ABCA10: variants seen among roughly 807,000 people sequenced by gnomAD.
ABCA10 encodes ATP binding cassette subfamily A member 10, also known as ATP-binding cassette sub-family A member 10.
Under a neutral mutation model 187.5 loss-of-function variants are expected in ABCA10, and 169 were observed. That is an observed-to-expected ratio of 0.90 (90% CI 0.80 to 1.02). The LOEUF is 1.02. Among genes scored for constraint, ABCA10 ranks in the 50% least tolerant of loss-of-function variants. The probability of loss-of-function intolerance (pLI) is 0.00; values close to 1 mark genes in which losing one functional copy is unlikely to be tolerated. For synonymous variants in ABCA10, 574 were observed against 601.8 expected (o/e 0.95, Z 0.68); for missense variants, 1,727 against 1,812.4 (o/e 0.95, Z 0.86).
intron 5 of ABCA10, 80 bp downstream of exon 5, chr17:69,221,712 G>A: frequency 7.9e-7 from 1 of 1,265,346 alleles, no homozygotes; most frequent in Non-Finnish European, 1.1e-6. Flanking sequence ...GAGTGTAAGA[G>A]TAAGGTAGGG....
intron 35 of ABCA10, 74 bp downstream of exon 35, chr17:69,152,288 C>G: frequency 1.3e-6 from 2 of 1,578,988 alleles, no homozygotes; most frequent in Non-Finnish European, 1.7e-6. Context: ...TGTAGAGCAT[C>G]AGCTGTTCAT....
In ABCA10 at chr17:69,201,525, C is replaced by T. The variant is rs756825645; in HGVS notation, c.1150G>A (p.Glu384Lys). 3.1e-6 allele frequency: 5 copies of T among 1,600,420 alleles called. No individual in the cohort carries two copies. The African/African-American group carries it at 6.7e-5, about 22-fold the overall frequency. Residue 384 changes from glutamate to lysine, a missense_variant, in exon 10 of 39, where the codon GAA becomes AAA. Glu to Lys is a moderately conservative substitution (Grantham distance 56, BLOSUM62 1). Transcript: ENST00000690296. Reference sequence around the variant, plus strand: ...CTTATGGCTTCTTTTCCATGGAATTCTGGAGACACCGGTTCAAAAGAATCA... The same window carrying T: ...CTTATGGCTTCTTTTCCATGGAATTTTGGAGACACCGGTTCAAAAGAATCA... ...SDDSFEPVSP[E>K]FHGKEAIRIR...
At chr17:69,202,258 T>G (rs1486026044) in intron 9 of ABCA10, among the ~76,000 whole-genome samples, 1 of 152,130 alleles carries the variant, frequency 6.6e-6, no homozygotes, top group Admixed American at 6.5e-5. Flanking sequence ...TTCCAGACAT[T>G]TGGATGCTAA....
At chr17:69,196,361 A>G (rs1568064688) in intron 11 of ABCA10, 4 of 173,584 alleles carry the variant, frequency 2.3e-5, no homozygotes, top group Non-Finnish European at 4.8e-5. Context: ...GACACTCCTC[A>G]GTTCCCAGAC....
At chr17:69,177,928 C>A (rs147926219) in intron 22 of ABCA10, among the ~76,000 whole-genome samples, 2,295 of 60,092 alleles carry the variant, frequency 0.038, 59 homozygotes, top group African/African-American at 0.098. Flanking sequence ...TGCATGCCAG[C>A]CTGGGTGACA....
intron 25 of ABCA10, among the ~76,000 whole-genome samples, chr17:69,166,339 C>CA (rs35351175): frequency 0.57 from 82,088 of 144,668 alleles, 23,896 homozygotes; most frequent in Non-Finnish European, 0.67. Flanking sequence ...CATGAGATTA[C>CA]AAAAAAAAAA....
chr17:69,197,384 A>T (rs2074513711), intron 10 of ABCA10, among the ~76,000 whole-genome samples: 1 of 148,294 alleles, frequency 6.7e-6, no homozygotes, highest in South Asian at 2.1e-4. Context: ...GCTAAAATTG[A>T]AAAAAAAAAG....
chr17:69,222,651 T>C lies in ABCA10; in HGVS notation c.81A>G (p.Glu27=). 1.3e-6 allele frequency: 2 copies of C among 1,599,402 alleles called. No individual in the cohort carries two copies. The highest frequency in any genetic ancestry group is 2.7e-5 in the African/African-American group (2 of 74,056). The change falls in exon 4 of 39, where the codon GAA becomes GAG. Residue 27 remains glutamate (E), a synonymous_variant. Transcript: ENST00000690296. ...GTPDEETMDI[E]LPKKYHEMVG... ...CCATTTCATGGTATTTTTTTGGAAG[T>C]TCTATATCCATGGTCTCTTCATCTG...
At chr17:69,214,561 G>A in intron 9 of ABCA10, 143 bp downstream of exon 9, 1 of 696,836 alleles carries the variant, frequency 1.4e-6, no homozygotes, top group Non-Finnish European at 2.1e-6. Flanking sequence ...TAGTAAAATG[G>A]AAATGAGGAA....
chr17:69,179,626 C>CA (rs34114383), intron 22 of ABCA10, among the ~76,000 whole-genome samples: 84,342 of 152,036 alleles, frequency 0.55, 25,053 homozygotes, highest in Non-Finnish European at 0.67. Flanking sequence ...GCAGAACAGT[C>CA]AAAAGGAAAG....
chr17:69,168,306 C>T (rs1028617877), intron 25 of ABCA10, among the ~76,000 whole-genome samples: 40 of 152,170 alleles, frequency 2.6e-4, no homozygotes, highest in Middle Eastern at 3.4e-3. Context: ...CCTCTTACTC[C>T]GACGTTGTTC....
chr17:69,153,725 C>T lies in ABCA10; in HGVS notation c.3965+106G>A, dbSNP rs551148983. 6.0e-4 allele frequency: 884 copies of T among 1,464,364 alleles called. 4 individuals carry two copies. The African/African-American group carries it at 0.011, about 19-fold the overall frequency. 90.7% of individuals were successfully genotyped at this position (1,464,364 alleles called of 1,614,324 possible). A position where few individuals can be genotyped will look rare whatever the true frequency, so the allele number is the denominator to read the frequency against. On this transcript the variant is annotated intron_variant, in intron 32 of 38. Coordinates refer to ENST00000690296, the MANE Select transcript of ABCA10 (RefSeq NM_001377321.1). ...TCAGGTATTTGAATCATTTTATTTGCATGAAAATTTAAAGACATTGTTTAT... is the reference window on the plus strand; with the variant it reads ...TCAGGTATTTGAATCATTTTATTTGTATGAAAATTTAAAGACATTGTTTAT...
chr17:69,192,726 A>T, intron 15 of ABCA10, 73 bp from the exon 16 acceptor site: 1 of 1,257,804 alleles, frequency 8.0e-7, no homozygotes, highest in Non-Finnish European at 1.1e-6. Context: ...TACTTTGGAT[A>T]CTAAAACACT....
chr17:69,182,835 G>GAAAAAAAAAAAAAAAAAAAA, intron 20 of ABCA10, 27 bp from the exon 21 acceptor site: 1 of 1,325,834 alleles, frequency 7.5e-7, no homozygotes. Flanking sequence ...AAGGCAACAA[G>GAAAAAAAAAAAAAAAAAAAA]AAAAAAAAAA....
chr17:69,206,051 G>A (rs929157246), intron 9 of ABCA10, among the ~76,000 whole-genome samples: 1 of 152,132 alleles, frequency 6.6e-6, no homozygotes, highest in Non-Finnish European at 1.5e-5. Flanking sequence ...ATAGCTAACT[G>A]TTATAATTGA....
intron 6 of ABCA10, among the ~76,000 whole-genome samples, chr17:69,218,968 T>C (rs2074726205): frequency 1.3e-5 from 2 of 152,250 alleles, no homozygotes; most frequent in Admixed American, 1.3e-4. Context: ...TTTGACCTCA[T>C]GGTGGGCAGA....
upstream of ABCA10, among the ~76,000 whole-genome samples, chr17:69,230,004 A>G (rs1363275913): frequency 6.6e-6 from 1 of 152,126 alleles, no homozygotes; most frequent in Non-Finnish European, 1.5e-5. Context: ...TACCAATGAA[A>G]CAGCATTGAG....
At chr17:69,182,944 G>A in intron 20 of ABCA10, 136 bp from the exon 21 acceptor site, 3 of 1,068,788 alleles carry the variant, frequency 2.8e-6, no homozygotes, top group Admixed American at 2.5e-5. Flanking sequence ...TTGCTCTTTA[G>A]GAGTACAATA....
chr17:69,177,975 T>A lies in ABCA10; in HGVS notation c.2770-2462A>T, dbSNP rs373735908. ...CATTTCAAAAAAAAAAAAAAAAAAATATATATATATATATATGTTATATAT... is the reference window on the plus strand; with the variant it reads ...CATTTCAAAAAAAAAAAAAAAAAAAAATATATATATATATATGTTATATAT... On this transcript the variant is annotated intron_variant, in intron 22 of 38. Transcript: ENST00000690296. 7.3e-3 allele frequency among the ~76,000 whole-genome samples: 853 copies of A among 116,308 alleles called. 26 individuals carry two copies. Among genetic ancestry groups the A allele is most frequent in the South Asian group, 0.025 (89 of 3,512 alleles). The allele number at this position is 116,308 out of a possible 152,430, so 76.3% of individuals were successfully genotyped here.
Sources: gnomAD v4.1 joint callset for allele counts (sites outside exome capture counted in the v4.1 genomes callset) on GRCh38, gnomAD v4.1.1 for gene constraint, MANE v1.5 for transcripts, NCBI Gene and HGNC (gene_info 2026-07-23, HGNC 2026-07-21) for gene names.